ZNF280D: variants seen among roughly 807,000 people sequenced by gnomAD.
ZNF280D encodes the protein suppressor of hairy wing homolog 4.
Under a neutral mutation model 94.7 loss-of-function variants are expected in ZNF280D, and 39 were observed. The ratio of observed to expected loss-of-function variants is 0.41; its 90% CI spans 0.32 to 0.54. The LOEUF is 0.54. ZNF280D is among the 20% of genes least tolerant of loss of function. ZNF280D has a pLI of 0.22. For missense variants in ZNF280D, 1,090 were observed against 1,149.3 expected (o/e 0.95, Z 0.75); for synonymous variants, 398 against 377.6 (o/e 1.05, Z -0.63).
At chr15:56,671,962 C>T (rs1386735821) in intron 13 of ZNF280D, among the ~76,000 whole-genome samples, 1 of 151,998 alleles carries the variant, frequency 6.6e-6, no homozygotes, top group Non-Finnish European at 1.5e-5. Context: ...GGAGTTCATT[C>T]ATGATTTGGT....
chr15:56,636,121 G>A (rs965400793), intron 20 of ZNF280D, among the ~76,000 whole-genome samples: 2 of 151,908 alleles, frequency 1.3e-5, no homozygotes, highest in Admixed American at 1.3e-4. Flanking sequence ...GCTAAAACAA[G>A]GGCAAAGAAA....
chr15:56,724,490 T>G (rs749323372), intron 1 of ZNF280D, among the ~76,000 whole-genome samples: 1 of 152,084 alleles, frequency 6.6e-6, no homozygotes, highest in East Asian at 1.9e-4. Context: ...ATAGCCCAAA[T>G]AGAAGAGAAC....
chr15:56,695,122 G>A (rs565716604), intron 6 of ZNF280D, among the ~76,000 whole-genome samples: 17 of 152,250 alleles, frequency 1.1e-4, no homozygotes, highest in Non-Finnish European at 2.1e-4. Context: ...GCCCAGGCTG[G>A]AGTGTGATGG....
At chr15:56,669,949 T>A (rs866725609) in intron 13 of ZNF280D, among the ~76,000 whole-genome samples, 67 of 1,420 alleles carry the variant, frequency 0.047, 18 homozygotes, top group African/African-American at 0.097. Context: ...TATATATATA[T>A]TATATATATA....
chr15:56,665,138 G>C (rs554560698), intron 16 of ZNF280D, among the ~76,000 whole-genome samples: 1 of 152,124 alleles, frequency 6.6e-6, no homozygotes, highest in African/African-American at 2.4e-5. Flanking sequence ...TGAAGACATG[G>C]GAAAACCGAG....
chr15:56,727,415 C>T (rs187421512), intron 1 of ZNF280D, among the ~76,000 whole-genome samples: 15 of 152,218 alleles, frequency 9.9e-5, no homozygotes, highest in Non-Finnish European at 1.9e-4. Flanking sequence ...GCTGAGATCA[C>T]GCCATTGCAT....
In ZNF280D at chr15:56,689,438, G is replaced by C; in HGVS notation, c.532C>G (p.Pro178Ala). Reference sequence around the variant, plus strand: ...ACATTATTTACTTCAGAAGTAGAAGGACGTTTTGATAAAAATGAACTTTCA... The same window carrying C: ...ACATTATTTACTTCAGAAGTAGAAGCACGTTTTGATAAAAATGAACTTTCA... ...MSESSFLSKR[P>A]STSEVNNVNP... The change falls in exon 8 of 22, where the codon CCT becomes GCT. Residue 178 changes from proline (P) to alanine (A), a missense_variant. By Grantham distance (27) the Pro-to-Ala change is conservative. This residue lies in a region of ZNF280D where 386 missense variants were observed against 372.0 expected (regional missense o/e 1.04). Transcript: ENST00000267807. The C allele has an allele frequency of 6.4e-7, 1 of 1,567,510 alleles. No individual in the cohort carries two copies. The highest frequency in any genetic ancestry group is 8.6e-7 in the Non-Finnish European group (1 of 1,159,114).
chr15:56,675,709 T>A (rs1299539701), intron 13 of ZNF280D, among the ~76,000 whole-genome samples: 1 of 151,940 alleles, frequency 6.6e-6, no homozygotes. Flanking sequence ...TCTTCTCCAA[T>A]TAAAAACAGC....
At chr15:56,706,821 T>A (rs747530404) in intron 3 of ZNF280D, among the ~76,000 whole-genome samples, 3 of 152,142 alleles carry the variant, frequency 2.0e-5, no homozygotes, top group African/African-American at 4.8e-5. Flanking sequence ...ATAATTTAAT[T>A]TTTGTCTATG....
rs2054691877 is a variant in ZNF280D at position 56,669,960 on chromosome 15, TATTATATA to T, written c.1411-1011_1411-1004del. 2.4e-3 allele frequency among the ~76,000 whole-genome samples: 8 copies of T among 3,340 alleles called. 2 individuals carry two copies. In the Admixed American group the frequency reaches 0.033, roughly 14 times the overall value. The allele number at this position is 3,340 out of a possible 152,430, so 2.2% of individuals were successfully genotyped here. A position where few individuals can be genotyped will look rare whatever the true frequency, so the allele number is the denominator to read the frequency against. ...ATTATATATATATATTATATATATA[TATTATATA>T]TATATAATATATATATTATATATAT... On this transcript the variant is annotated intron_variant, in intron 13 of 21. Transcript: ENST00000267807.
At chr15:56,714,194 C>T (rs115312348) in intron 1 of ZNF280D, among the ~76,000 whole-genome samples, 1,733 of 152,242 alleles carry the variant, frequency 0.011, 34 homozygotes, top group African/African-American at 0.038. Flanking sequence ...ACCAGTCTTA[C>T]TCTTGAAAAG....
At chr15:56,634,380 C>T (rs562945165) in intron 21 of ZNF280D, among the ~76,000 whole-genome samples, 3 of 152,052 alleles carry the variant, frequency 2.0e-5, no homozygotes, top group Non-Finnish European at 4.4e-5. Context: ...TTAAATAATA[C>T]AGAGATGACC....
chr15:56,682,419 C>A lies in ZNF280D; in HGVS notation c.839G>T (p.Ser280Ile). 6.4e-7 allele frequency: 1 copy of A among 1,559,114 alleles called. No individual in the cohort carries two copies. Among genetic ancestry groups the A allele is most frequent in the Admixed American group, 2.0e-5 (1 of 50,502 alleles). ...FLGLAKTEFS[S>I]TVNKNTTIDS... Reference sequence around the variant, plus strand: ...AATAGTTGTGTTTTTATTTACTGTACTTGAAAATTCTGTTTTAGCCAGTCC... The same window carrying A: ...AATAGTTGTGTTTTTATTTACTGTAATTGAAAATTCTGTTTTAGCCAGTCC... The change falls in exon 10 of 22, where the codon AGT becomes ATT. Residue 280 changes from serine to isoleucine, a missense_variant. By Grantham distance (142) the Ser-to-Ile change is moderately radical. Transcript: ENST00000267807.
At chr15:56,680,212 T>C (rs1330052629) in intron 10 of ZNF280D, among the ~76,000 whole-genome samples, 2 of 152,198 alleles carry the variant, frequency 1.3e-5, no homozygotes, top group Non-Finnish European at 2.9e-5. Context: ...AAATGAAATG[T>C]TGAGCTATCA....
chr15:56,695,676 C>T (rs1037902675), intron 6 of ZNF280D, among the ~76,000 whole-genome samples: 1 of 151,822 alleles, frequency 6.6e-6, no homozygotes, highest in South Asian at 2.1e-4. Flanking sequence ...ACTACAGGTG[C>T]ACACCACCAT....
chr15:56,631,869 A>T lies in ZNF280D; in HGVS notation c.2569T>A (p.Ser857Thr), dbSNP rs1320800845. 1.2e-6 allele frequency: 2 copies of T among 1,613,780 alleles called. No homozygotes were observed. Among genetic ancestry groups the T allele is most frequent in the African/African-American group, 2.7e-5 (2 of 75,060 alleles). Reference sequence around the variant, plus strand: ...TGATCAGATAAGATTATGTTTTCTGAACTTTGGCACATCTTCAACTCCATT... The same window carrying T: ...TGATCAGATAAGATTATGTTTTCTGTACTTTGGCACATCTTCAACTCCATT... ...QEMELKMCQS[S>T]ENIILSDQIK... The change falls in exon 22 of 22, where the codon TCA becomes ACA. Residue 857 changes from serine (S) to threonine (T), a missense_variant. Around this residue, in one of 3 missense-constraint regions of ZNF280D, gnomAD observed 577 missense variants for 568.8 expected, o/e 1.01. Coordinates refer to ENST00000267807, the MANE Select transcript of ZNF280D (RefSeq NM_017661.4).
At chr15:56,677,716 T>G in intron 11 of ZNF280D, 42 bp from the exon 12 acceptor site, 3 of 831,986 alleles carry the variant, frequency 3.6e-6, no homozygotes, top group Non-Finnish European at 3.3e-6. Flanking sequence ...TTTAAGATAT[T>G]AATATAAAAA....
In ZNF280D at chr15:56,701,224, C is replaced by G. The variant is rs1459084945; in HGVS notation, c.190G>C (p.Val64Leu). The G allele has an allele frequency of 1.3e-6, 2 of 1,564,986 alleles. No homozygotes were observed. The highest frequency in any genetic ancestry group is 3.5e-5 in the Admixed American group (2 of 57,048). Reference sequence around the variant, plus strand: ...CCCCTTGAATATGAGCTGGGGTTAACTCTGTTCAAAATATCTATAAAAGAT... The same window carrying G: ...CCCCTTGAATATGAGCTGGGGTTAAGTCTGTTCAAAATATCTATAAAAGAT... The part of the protein sequence containing the change: ...KPAISNILNR[V>L]NPSSYSRGLK... Residue 64 changes from valine to leucine, a missense_variant, in exon 5 of 22, where the codon GTT becomes CTT. Physicochemically the swap from Val to Leu is conservative, Grantham distance 32. Around this residue, in one of 3 missense-constraint regions of ZNF280D, gnomAD observed 386 missense variants for 372.0 expected, o/e 1.04. Coordinates refer to ENST00000267807, the MANE Select transcript of ZNF280D (RefSeq NM_017661.4).
intron 1 of ZNF280D, among the ~76,000 whole-genome samples, chr15:56,717,125 G>C (rs1254452982): frequency 3.3e-5 from 5 of 152,124 alleles, no homozygotes; most frequent in Non-Finnish European, 7.4e-5. Context: ...ATTGTGATAG[G>C]TTTGGGCTTA....
Sources: gnomAD v4.1 joint callset for allele counts (sites outside exome capture counted in the v4.1 genomes callset) on GRCh38, gnomAD v4.1.1 for gene constraint, gnomAD v4.1.1 regional missense constraint, MANE v1.5 for transcripts, NCBI Gene and HGNC (gene_info 2026-07-23, HGNC 2026-07-21) for gene names.